MAP4K4: variants seen among roughly 807,000 people sequenced by gnomAD.
MAP4K4 encodes the protein HPK/GCK-like kinase HGK.
MAP4K4 carries 38 observed loss-of-function variants against 189.6 expected under a neutral mutation model. The observed-to-expected ratio is 0.20, with a 90% CI of 0.15 to 0.26. The LOEUF (loss-of-function observed/expected upper bound fraction) is 0.26, where lower values mean the gene tolerates loss of function less well. Among genes scored for constraint, MAP4K4 ranks in the 10% least tolerant of loss-of-function variants. The pLI is 1.00. For synonymous variants in MAP4K4, 610 were observed against 624.3 expected, an observed-to-expected ratio of 0.98 and a Z score of 0.34; for missense variants, 1,054 against 1,726.9, an observed-to-expected ratio of 0.61 and a Z score of 6.91.
At chr2:101,890,479 C>G (rs575068136) in intron 32 of MAP4K4, among the ~76,000 whole-genome samples, 3 of 152,096 alleles carry the variant, frequency 2.0e-5, no homozygotes, top group African/African-American at 7.2e-5. Flanking sequence ...GTTTTGGTGA[C>G]GGAGTCTTGC....
chr2:101,742,373 C>T (rs1032700061), intron 2 of MAP4K4, among the ~76,000 whole-genome samples: 3 of 152,114 alleles, frequency 2.0e-5, no homozygotes, highest in East Asian at 1.9e-4. Flanking sequence ...TTAGGACTGG[C>T]GCTGTTTTCC....
chr2:101,830,224 C>A (rs1279226713), intron 6 of MAP4K4, among the ~76,000 whole-genome samples: 3 of 152,086 alleles, frequency 2.0e-5, no homozygotes, highest in Admixed American at 2.0e-4. Flanking sequence ...TTACTGTCTC[C>A]TTTGCCAGAA....
At chr2:101,733,988 C>G (rs2059462984) in intron 2 of MAP4K4, among the ~76,000 whole-genome samples, 1 of 152,226 alleles carries the variant, frequency 6.6e-6, no homozygotes, top group African/African-American at 2.4e-5. Context: ...ACCTATCACA[C>G]TATGTGGCAC....
At chr2:101,864,133 T>A in intron 17 of MAP4K4, 82 bp downstream of exon 17, 1 of 771,870 alleles carries the variant, frequency 1.3e-6, no homozygotes, top group Non-Finnish European at 1.8e-6. Context: ...TAATTATGGG[T>A]ATGCAACTTG....
At position 101,831,158 on chromosome 2, in the gene MAP4K4, A is replaced by G. The variant is rs977663645; in HGVS notation, c.509-563A>G. ...TCCTCTAGACCACCACCACCATCCAATTGGGTGGGATGCAGAAGTCACTGA... is the reference window on the plus strand; with the variant it reads ...TCCTCTAGACCACCACCACCATCCAGTTGGGTGGGATGCAGAAGTCACTGA... On this transcript the variant is annotated intron_variant, in intron 6 of 32. Transcript: ENST00000324219. 5.3e-5 allele frequency among the ~76,000 whole-genome samples: 8 copies of G among 152,068 alleles called. No individual in the cohort carries two copies. The East Asian group carries it at 5.8e-4, about 11-fold the overall frequency.
intron 2 of MAP4K4, among the ~76,000 whole-genome samples, chr2:101,746,179 G>T (rs962150879): frequency 6.6e-6 from 1 of 151,810 alleles, no homozygotes; most frequent in African/African-American, 2.4e-5. Context: ...GTAGAGACAC[G>T]CTCTTGTTGT....
intron 27 of MAP4K4, 47 bp from the exon 28 acceptor site, chr2:101,882,504 A>T: frequency 7.0e-7 from 1 of 1,423,020 alleles, no homozygotes; most frequent in Middle Eastern, 1.8e-4. Flanking sequence ...TAATGATGAG[A>T]CCTACTTCTG....
chr2:101,804,241 C>G (rs554521319), intron 3 of MAP4K4, among the ~76,000 whole-genome samples: 1 of 152,144 alleles, frequency 6.6e-6, no homozygotes, highest in Non-Finnish European at 1.5e-5. Context: ...GCTTGCAGAT[C>G]GTTTTGCAAT....
At chr2:101,708,906 G>A (rs2043897826) in intron 2 of MAP4K4, among the ~76,000 whole-genome samples, 1 of 152,152 alleles carries the variant, frequency 6.6e-6, no homozygotes, top group Admixed American at 6.5e-5. Context: ...CGACCATGTA[G>A]CAGTGTGGTT....
intron 8 of MAP4K4, 99 bp from the exon 9 acceptor site, chr2:101,835,801 C>A: frequency 1.3e-6 from 1 of 766,148 alleles, no homozygotes; most frequent in Non-Finnish European, 2.3e-6. Flanking sequence ...GTCAGTCAGA[C>A]GATGGGCCAG....
chr2:101,822,715 G>A (rs879700411), intron 3 of MAP4K4, among the ~76,000 whole-genome samples: 6 of 152,094 alleles, frequency 3.9e-5, no homozygotes, highest in African/African-American at 1.4e-4. Flanking sequence ...GAGTATGTGC[G>A]TACACACACG....
rs1209523612 is a variant in MAP4K4 at position 101,825,301 on chromosome 2, G to C, written c.307-18G>C. On this transcript the variant is annotated intron_variant, in intron 4 of 32. Coordinates refer to ENST00000324219, the Ensembl canonical transcript of MAP4K4. ...CTCCAAGATATGTTGCTCACCTTGT[G>C]TCTTGTCTGCCCTATAGCTTGTTAT... is the stretch of plus-strand genomic sequence containing the variant. The C allele has an allele frequency of 2.0e-6, 3 of 1,528,716 alleles. No homozygotes were observed. Among genetic ancestry groups the C allele is most frequent in the Admixed American group, 1.8e-5 (1 of 57,072 alleles). 94.7% of individuals were successfully genotyped at this position (1,528,716 alleles called of 1,614,324 possible). A position where few individuals can be genotyped will look rare whatever the true frequency, so the allele number is the denominator to read the frequency against.
At chr2:101,857,802 A>G (rs190537885) in intron 13 of MAP4K4, among the ~76,000 whole-genome samples, 11 of 152,270 alleles carry the variant, frequency 7.2e-5, no homozygotes, top group Admixed American at 2.6e-4. Flanking sequence ...TGTAATTTCA[A>G]TATTCTCCCA....
intron 2 of MAP4K4, among the ~76,000 whole-genome samples, chr2:101,717,911 A>C (rs1329397469): frequency 6.6e-6 from 1 of 152,152 alleles, no homozygotes; most frequent in African/African-American, 2.4e-5. Context: ...CATATAGTTG[A>C]ATTAGTAAAG....
chr2:101,707,901 C>T (rs1161108697), intron 2 of MAP4K4, among the ~76,000 whole-genome samples: 3 of 150,368 alleles, frequency 2.0e-5, no homozygotes, highest in Non-Finnish European at 3.0e-5. Flanking sequence ...GGGGTTTCAC[C>T]GTGTTAGCCA....
chr2:101,809,771 T>C (rs2095291572), intron 3 of MAP4K4, among the ~76,000 whole-genome samples: 1 of 152,246 alleles, frequency 6.6e-6, no homozygotes, highest in South Asian at 2.1e-4. Context: ...TTAGCCTCTC[T>C]CAAAGCTGGA....
chr2:101,759,038 C>T lies in MAP4K4; in HGVS notation c.124-31682C>T, dbSNP rs1290277285. ...GTCCCAGCTACTCGGGAGGCTGAGGCAGGAGAATGGCGTAAACCCGGGAGG... is the reference window on the plus strand; with the variant it reads ...GTCCCAGCTACTCGGGAGGCTGAGGTAGGAGAATGGCGTAAACCCGGGAGG... On this transcript the variant is annotated intron_variant, in intron 2 of 32. Transcript: ENST00000324219. Among the ~76,000 whole-genome samples, 3 of 151,400 alleles carry T rather than the reference C, an allele frequency of 2.0e-5. No homozygotes were observed. The South Asian group carries it at 6.3e-4, about 32-fold the overall frequency.
At chr2:101,832,248 A>G (rs1172513364) in intron 7 of MAP4K4, among the ~76,000 whole-genome samples, 1 of 152,202 alleles carries the variant, frequency 6.6e-6, no homozygotes, top group Admixed American at 6.5e-5. Flanking sequence ...AAACCACTTT[A>G]CAGCTTTTAT....
intron 26 of MAP4K4, 100 bp from the exon 27 acceptor site, chr2:101,876,903 C>A: frequency 8.2e-7 from 1 of 1,220,430 alleles, no homozygotes; most frequent in Non-Finnish European, 1.2e-6. Context: ...ATTAAGGAAG[C>A]TACACTTTTT....
Sources: allele counts gnomAD v4.1 joint callset (sites outside exome capture counted in the v4.1 genomes callset), GRCh38; gene constraint gnomAD v4.1.1; transcripts MANE v1.5; gene names NCBI Gene and HGNC (gene_info 2026-07-23, HGNC 2026-07-21).